Variants in SRD5A2 observed in about 807,000 individuals in gnomAD.
SRD5A2 encodes the protein steroid 5 alpha-reductase 2.
SRD5A2 carries 30 observed loss-of-function variants against 27.4 expected under a neutral mutation model. The observed-to-expected ratio is 1.10, with a 90% CI of 0.82 to 1.49. SRD5A2 has a LOEUF of 1.49. Among genes scored for constraint, SRD5A2 ranks in the 40% most tolerant of loss-of-function variants. SRD5A2 has a pLI of 0.00. For missense variants in SRD5A2, 348 were observed against 323.4 expected (o/e 1.08, Z -0.58); for synonymous variants, 141 against 133.6 (o/e 1.06, Z -0.38).
the SRD5A2 span, among the ~76,000 whole-genome samples, chr2:31,619,662 T>C: frequency 9.2e-5 from 14 of 152,182 alleles, 1 homozygote; most frequent in Admixed American, 2.0e-4. Flanking sequence ...TATCTCATTA[T>C]GGTTTTGATT....
the SRD5A2 span, among the ~76,000 whole-genome samples, chr2:31,614,475 T>C: frequency 6.6e-6 from 1 of 152,216 alleles, no homozygotes; most frequent in East Asian, 1.9e-4. Flanking sequence ...CTGGCTGCTT[T>C]CACAGGCTGG....
intron 1 of SRD5A2, among the ~76,000 whole-genome samples, chr2:31,568,126 G>A (rs998259434): frequency 2.0e-5 from 3 of 152,180 alleles, no homozygotes; most frequent in African/African-American, 7.2e-5. Flanking sequence ...GAACATGGTG[G>A]TGCCTGGAAG....
At chr2:31,615,829 T>C in the SRD5A2 span, among the ~76,000 whole-genome samples, 1 of 152,108 alleles carries the variant, frequency 6.6e-6, no homozygotes, top group Non-Finnish European at 1.5e-5. Flanking sequence ...GAAAAAATGG[T>C]TTCATGGGCC....
chr2:31,524,463 C>T lies in SRD5A2; in HGVS notation c.*1733G>A, dbSNP rs1040713186. 4.8e-5 allele frequency: 11 copies of T among 228,394 alleles called. No individual in the cohort carries two copies. The highest frequency in any genetic ancestry group is 2.4e-4 in the African/African-American group (11 of 45,034). 14.1% of individuals were successfully genotyped at this position (228,394 alleles called of 1,614,324 possible). A position where few individuals can be genotyped will look rare whatever the true frequency, so the allele number is the denominator to read the frequency against. On this transcript the variant is annotated 3_prime_UTR_variant, in exon 5 of 5. Coordinates refer to ENST00000622030, the MANE Select transcript of SRD5A2 (RefSeq NM_000348.4). ...TGAAGAGAGAAGAGAAGAAAGGAAA[C>T]GACACTACAGACAGGGTGAATGGGA...
the SRD5A2 span, among the ~76,000 whole-genome samples, chr2:31,619,054 T>C: frequency 6.6e-6 from 1 of 152,052 alleles, no homozygotes; most frequent in East Asian, 1.9e-4. Flanking sequence ...AATAAATACA[T>C]GAAAAGATGC....
At chr2:31,660,463 T>C in the SRD5A2 span, among the ~76,000 whole-genome samples, 15 of 152,128 alleles carry the variant, frequency 9.9e-5, 1 homozygote, top group Admixed American at 9.2e-4. Context: ...CATGTTATTA[T>C]ACATTTGTCC....
chr2:31,549,392 G>A (rs528617064), intron 1 of SRD5A2, among the ~76,000 whole-genome samples: 10 of 151,948 alleles, frequency 6.6e-5, no homozygotes, highest in Middle Eastern at 3.4e-3. Context: ...GATTACAGGC[G>A]TGAATTATTT....
chr2:31,611,329 T>C, the SRD5A2 span, among the ~76,000 whole-genome samples: 1 of 152,164 alleles, frequency 6.6e-6, no homozygotes, highest in Non-Finnish European at 1.5e-5. Context: ...TCGTTTGTTA[T>C]GCAACCGTAG....
the SRD5A2 span, among the ~76,000 whole-genome samples, chr2:31,587,622 T>A: frequency 1.3e-5 from 2 of 152,270 alleles, no homozygotes; most frequent in African/African-American, 4.8e-5. Context: ...CTGTAAGCCA[T>A]CATTCTCAGC....
rs1488762462 is a variant in SRD5A2 at position 31,523,475 on chromosome 2, G to C, written c.*2721C>G. On this transcript the variant is annotated 3_prime_UTR_variant, in exon 5 of 5. Transcript: ENST00000622030. The stretch of plus-strand genomic sequence containing the variant: ...ACCAGCTCTGTACCAGCTGTGAGGA[G>C]GCCTTTTAACTCTGTGGGTCTCAGT... 1 of 221,796 alleles carries C rather than the reference G, an allele frequency of 4.5e-6. No homozygotes were observed. The highest frequency in any genetic ancestry group is 9.0e-6 in the Non-Finnish European group (1 of 110,810). 13.7% of individuals were successfully genotyped at this position (221,796 alleles called of 1,614,324 possible).
At chr2:31,621,116 G>A in the SRD5A2 span, among the ~76,000 whole-genome samples, 6 of 151,688 alleles carry the variant, frequency 4.0e-5, no homozygotes, top group African/African-American at 1.4e-4. Flanking sequence ...TTCTTTGCCT[G>A]GTTTCCTTCA....
At chr2:31,662,170 A>G in the SRD5A2 span, among the ~76,000 whole-genome samples, 1 of 152,098 alleles carries the variant, frequency 6.6e-6, no homozygotes, top group South Asian at 2.1e-4. Flanking sequence ...TTGACCTTGG[A>G]TCATATTTTC....
chr2:31,630,903 T>C, the SRD5A2 span, among the ~76,000 whole-genome samples: 5 of 152,148 alleles, frequency 3.3e-5, no homozygotes, highest in African/African-American at 9.7e-5. Context: ...AGATGGCTCC[T>C]CTCAGGTGAT....
At chr2:31,588,700 T>C in the SRD5A2 span, among the ~76,000 whole-genome samples, 1 of 152,328 alleles carries the variant, frequency 6.6e-6, no homozygotes, top group African/African-American at 2.4e-5. Context: ...ATAAGTAATA[T>C]GAAGATACAA....
chr2:31,615,634 G>C, the SRD5A2 span, among the ~76,000 whole-genome samples: 1 of 152,194 alleles, frequency 6.6e-6, no homozygotes, highest in South Asian at 2.1e-4. Context: ...AAAATTTCCA[G>C]CCTGGCAATG....
chr2:31,608,978 T>C, the SRD5A2 span, among the ~76,000 whole-genome samples: 21 of 152,176 alleles, frequency 1.4e-4, no homozygotes, highest in Non-Finnish European at 2.6e-4. Context: ...CCAAATCCAA[T>C]AGGACTGTGG....
the SRD5A2 span, among the ~76,000 whole-genome samples, chr2:31,591,006 C>T: frequency 6.6e-6 from 1 of 152,122 alleles, no homozygotes; most frequent in Non-Finnish European, 1.5e-5. Context: ...TAGGCAATAC[C>T]ATTCAGGACA....
the SRD5A2 span, among the ~76,000 whole-genome samples, chr2:31,648,394 C>T: frequency 8.9e-3 from 1,353 of 152,244 alleles, 19 homozygotes; most frequent in South Asian, 0.028. Flanking sequence ...GGGAGTGATT[C>T]CCTTAGTAAT....
the SRD5A2 span, among the ~76,000 whole-genome samples, chr2:31,618,528 C>A: frequency 1.3e-5 from 2 of 151,962 alleles, no homozygotes; most frequent in East Asian, 1.9e-4. Flanking sequence ...TTTGCAACAA[C>A]ATGGATGGTA....
Sources: allele counts gnomAD v4.1 joint callset (sites outside exome capture counted in the v4.1 genomes callset), GRCh38; gene constraint gnomAD v4.1.1; transcripts MANE v1.5; gene names NCBI Gene and HGNC (gene_info 2026-07-23, HGNC 2026-07-21).